The following RBFOX1 variants were observed in gnomAD, a reference collection of about 807,000 sequenced individuals.
RBFOX1 encodes the protein RNA binding protein fox-1 homolog 1.
In RBFOX1, 8 loss-of-function variants were observed where a neutral mutation model predicts 57.7. The observed-to-expected ratio is 0.14, with a 90% CI of 0.08 to 0.25. The LOEUF (loss-of-function observed/expected upper bound fraction) is 0.25. Among genes scored for constraint, RBFOX1 ranks in the 10% least tolerant of loss-of-function variants. The pLI, the probability that RBFOX1 is intolerant of heterozygous loss-of-function variation, is 1.00. For synonymous variants in RBFOX1, 326 were observed against 222.4 expected, an observed-to-expected ratio of 1.47 and a Z score of -4.15; for missense variants, 611 against 548.5, an observed-to-expected ratio of 1.11 and a Z score of -1.14.
chr16:5,898,423 A>T (rs2058219519), intron 4 of RBFOX1, among the ~76,000 whole-genome samples: 1 of 152,108 alleles, frequency 6.6e-6, no homozygotes, highest in East Asian at 1.9e-4. Flanking sequence ...TAGACATAAA[A>T]CGTATCAGAC....
Position 6,449,831 on chromosome 16 carries a change from C to G in RBFOX1, c.-64+132774C>G, listed in dbSNP as rs2094554469. ...TGCTAATGAAGGTGGCATGGCCCCACTGCCCCCTGAATCTGCAGGAAAGTG... is the reference window on the plus strand; with the variant it reads ...TGCTAATGAAGGTGGCATGGCCCCAGTGCCCCCTGAATCTGCAGGAAAGTG... On this transcript the variant is annotated intron_variant, in intron 2 of 15. Coordinates refer to ENST00000550418, the MANE Select transcript of RBFOX1 (RefSeq NM_018723.4). Among the ~76,000 whole-genome samples the G allele has an allele frequency of 2.0e-5, 3 of 152,172 alleles. 1 individual carries two copies. In the South Asian group the frequency reaches 6.2e-4, roughly 32 times the overall value.
intron 1 of RBFOX1, among the ~76,000 whole-genome samples, chr16:6,286,846 C>T (rs1180035008): frequency 6.6e-6 from 1 of 152,162 alleles, no homozygotes; most frequent in Non-Finnish European, 1.5e-5. Flanking sequence ...TCTATTCCTT[C>T]TCTATCTCCC....
Position 6,484,309 on chromosome 16 carries a change from G to A in RBFOX1, c.-64+167252G>A, listed in dbSNP as rs544811877. On this transcript the variant is annotated intron_variant, in intron 2 of 15. Transcript: ENST00000550418. ...AGGGAGCATGTGTGTGCAAATGTGA[G>A]CATATGCGCTGCATATCTGTGTAAA... 1.2e-4 allele frequency among the ~76,000 whole-genome samples: 19 copies of A among 152,296 alleles called. No individual in the cohort carries two copies. The East Asian group carries it at 3.7e-3, about 30-fold the overall frequency.
intron 2 of RBFOX1, among the ~76,000 whole-genome samples, chr16:6,456,550 C>T (rs1287816670): frequency 6.6e-6 from 1 of 152,154 alleles, no homozygotes; most frequent in Non-Finnish European, 1.5e-5. Flanking sequence ...TTAGCTTTTA[C>T]TTTAAGGACA....
chr16:7,083,574 G>C (rs933750876), intron 4 of RBFOX1, among the ~76,000 whole-genome samples: 1 of 152,104 alleles, frequency 6.6e-6, no homozygotes, highest in Non-Finnish European at 1.5e-5. Flanking sequence ...CTTTCTCAGA[G>C]CTTGTAAGAG....
chr16:5,463,873 A>G (rs1273228554), intron 1 of RBFOX1, among the ~76,000 whole-genome samples: 3 of 152,130 alleles, frequency 2.0e-5, no homozygotes, highest in Non-Finnish European at 4.4e-5. Flanking sequence ...CAGAAATGCA[A>G]CCACTGTGGG....
Position 7,693,886 on chromosome 16 carries a change from A to G in RBFOX1, c.996-15170A>G, listed in dbSNP as rs536106898. On this transcript the variant is annotated intron_variant, in intron 14 of 15. Transcript: ENST00000550418. ...GGGATCTTCATTCTATTAGCCAAAG[A>G]TCCTCTATTTCCTTTCTTATAAAAC... is the stretch of plus-strand genomic sequence containing the variant. 6.6e-5 allele frequency among the ~76,000 whole-genome samples: 10 copies of G among 152,308 alleles called. No individual in the cohort carries two copies. In the South Asian group the frequency reaches 1.7e-3, roughly 25 times the overall value.
chr16:7,561,244 T>C (rs1440289292), intron 5 of RBFOX1, among the ~76,000 whole-genome samples: 4 of 152,232 alleles, frequency 2.6e-5, no homozygotes, highest in African/African-American at 9.6e-5. Context: ...GCCACATTCA[T>C]GGTTCATTTG....
intron 3 of RBFOX1, among the ~76,000 whole-genome samples, chr16:6,808,331 TG>T (rs2087476437): frequency 1.3e-5 from 2 of 152,062 alleles, no homozygotes; most frequent in African/African-American, 4.8e-5. Context: ...GATTCCCATC[TG>T]ATTATGCCTA....
chr16:5,544,951 C>CGTTTTTTT (rs2045124123), intron 2 of RBFOX1, among the ~76,000 whole-genome samples: 1 of 124,362 alleles, frequency 8.0e-6, no homozygotes. Flanking sequence ...CTATTACATT[C>CGTTTTTTT]TTTTTTTTTT....
At chr16:6,841,904 C>T (rs773413185) in intron 3 of RBFOX1, among the ~76,000 whole-genome samples, 34 of 151,272 alleles carry the variant, frequency 2.2e-4, no homozygotes, top group Non-Finnish European at 4.7e-4. Flanking sequence ...TTTGGGAGGT[C>T]GAGGCGGGTG....
intron 2 of RBFOX1, among the ~76,000 whole-genome samples, chr16:5,557,603 G>A (rs1371988408): frequency 2.0e-5 from 3 of 152,232 alleles, no homozygotes; most frequent in Non-Finnish European, 4.4e-5. Flanking sequence ...GACATGCAAA[G>A]TGTGGGAGAA....
chr16:5,937,566 G>T (rs1356256583), intron 4 of RBFOX1, among the ~76,000 whole-genome samples: 5 of 151,080 alleles, frequency 3.3e-5, no homozygotes, highest in Non-Finnish European at 7.4e-5. Flanking sequence ...ATGATATATA[G>T]TTGCTTATTT....
chr16:5,642,654 G>T (rs1207553201), intron 3 of RBFOX1, among the ~76,000 whole-genome samples: 1 of 152,126 alleles, frequency 6.6e-6, no homozygotes, highest in Non-Finnish European at 1.5e-5. Flanking sequence ...TCACTGAATA[G>T]AAGCTGGCTA....
intron 4 of RBFOX1, among the ~76,000 whole-genome samples, chr16:7,203,119 C>T (rs895620263): frequency 6.6e-6 from 1 of 152,106 alleles, no homozygotes; most frequent in Non-Finnish European, 1.5e-5. Context: ...TTCATAACAG[C>T]TAAAATATGG....
intron 2 of RBFOX1, among the ~76,000 whole-genome samples, chr16:6,410,062 CT>C (rs775373075): frequency 5.3e-5 from 8 of 152,144 alleles, no homozygotes; most frequent in Non-Finnish European, 1.2e-4. Context: ...GGGAAAATGC[CT>C]CTGTTAAAGA....
At chr16:7,140,371 A>T (rs1344496817) in intron 4 of RBFOX1, among the ~76,000 whole-genome samples, 2 of 135,576 alleles carry the variant, frequency 1.5e-5, no homozygotes, top group African/African-American at 5.6e-5. Flanking sequence ...GTATGATAGG[A>T]TTTTCTTCAT....
chr16:5,863,729 G>A (rs533270634), intron 3 of RBFOX1, among the ~76,000 whole-genome samples: 6 of 152,222 alleles, frequency 3.9e-5, no homozygotes, highest in East Asian at 1.9e-4. Context: ...TGATTAATGC[G>A]GTATAGTTTA....
At chr16:7,265,229 C>G (rs190852246) in intron 4 of RBFOX1, among the ~76,000 whole-genome samples, 26 of 151,766 alleles carry the variant, frequency 1.7e-4, no homozygotes, top group African/African-American at 5.8e-4. Context: ...TTTTCTCTTG[C>G]AGATCTGGAT....
Sources: gnomAD v4.1 joint callset for allele counts (sites outside exome capture counted in the v4.1 genomes callset) on GRCh38, gnomAD v4.1.1 for gene constraint, MANE v1.5 for transcripts, NCBI Gene and HGNC (gene_info 2026-07-23, HGNC 2026-07-21) for gene names.